Variants in SERPINE2 observed in about 807,000 individuals in gnomAD.
SERPINE2 encodes the protein glia-derived nexin.
In SERPINE2, 14 loss-of-function variants were observed where a neutral mutation model predicts 36.3. That is an observed-to-expected ratio of 0.39 (90% CI 0.25 to 0.60). SERPINE2 has a LOEUF of 0.60. SERPINE2 is among the 20% of genes least tolerant of loss of function. SERPINE2 has a pLI of 0.57. For missense variants in SERPINE2, 418 were observed against 499.6 expected (o/e 0.84, Z 1.56); for synonymous variants, 192 against 191.8 (o/e 1.00, Z -0.01).
intron 3 of SERPINE2, among the ~76,000 whole-genome samples, chr2:223,996,448 C>A (rs905663346): frequency 2.0e-5 from 3 of 152,182 alleles, no homozygotes; most frequent in Non-Finnish European, 4.4e-5. Context: ...AGGGACGCCA[C>A]GAATTTACCC....
intron 1 of SERPINE2, among the ~76,000 whole-genome samples, chr2:224,009,484 C>T (rs2106177137): frequency 6.6e-6 from 1 of 152,250 alleles, no homozygotes; most frequent in South Asian, 2.1e-4. Flanking sequence ...TGCTTGAGGC[C>T]AGGAGTTCGA....
intron 1 of SERPINE2, among the ~76,000 whole-genome samples, chr2:224,026,125 G>A (rs997513223): frequency 4.6e-5 from 7 of 152,298 alleles, no homozygotes; most frequent in African/African-American, 1.7e-4. Flanking sequence ...GTTCAATGCT[G>A]ACAAGTACGT....
chr2:224,036,517 T>C (rs1167808729), intron 1 of SERPINE2, among the ~76,000 whole-genome samples: 2 of 151,344 alleles, frequency 1.3e-5, no homozygotes, highest in Non-Finnish European at 2.9e-5. Context: ...GGGATAGCAT[T>C]AGGAGAAATA....
chr2:224,038,983 C>G (rs946602311), intron 1 of SERPINE2, 116 bp downstream of exon 1: 2 of 153,238 alleles, frequency 1.3e-5, no homozygotes, highest in African/African-American at 4.8e-5. Context: ...CCCGCAGCTT[C>G]CCGGCCGGGC....
At chr2:223,984,987 T>C in intron 4 of SERPINE2, 37 bp from the exon 5 acceptor site, 1 of 1,596,640 alleles carries the variant, frequency 6.3e-7, no homozygotes, top group East Asian at 2.2e-5. Context: ...GTATCCTTGT[T>C]GACTTCTAGA....
At chr2:223,991,716 G>T in intron 4 of SERPINE2, 87 bp downstream of exon 4, 2 of 1,354,142 alleles carry the variant, frequency 1.5e-6, no homozygotes, top group Non-Finnish European at 2.1e-6. Flanking sequence ...TGAAAAGTTA[G>T]ATTTGCTCTG....
At chr2:223,988,191 A>G (rs1190193165) in intron 4 of SERPINE2, among the ~76,000 whole-genome samples, 2 of 152,114 alleles carry the variant, frequency 1.3e-5, no homozygotes. Context: ...ATTTACTGAG[A>G]CAGGGTCTTG....
At chr2:223,988,271 T>C (rs533013019) in intron 4 of SERPINE2, among the ~76,000 whole-genome samples, 2 of 152,290 alleles carry the variant, frequency 1.3e-5, no homozygotes, top group South Asian at 4.1e-4. Flanking sequence ...TGGGCTCAAG[T>C]GAACCCCCGA....
At chr2:224,031,294 T>C (rs1327331804) in intron 1 of SERPINE2, 1 of 985,366 alleles carries the variant, frequency 1.0e-6, no homozygotes, top group African/African-American at 1.7e-5. Context: ...GGACCCTTTA[T>C]CTCTGCCACA....
chr2:224,030,014 T>C (rs1285801478), intron 1 of SERPINE2: 2 of 979,158 alleles, frequency 2.0e-6, no homozygotes, highest in African/African-American at 1.8e-5. Flanking sequence ...TGCATAGACA[T>C]TTATTCGTTA....
intron 1 of SERPINE2, among the ~76,000 whole-genome samples, chr2:224,022,617 A>G (rs1440005330): frequency 1.3e-5 from 2 of 152,198 alleles, no homozygotes; most frequent in Non-Finnish European, 2.9e-5. Flanking sequence ...AGTATGTGAA[A>G]CTTGGCTGAA....
chr2:223,980,281 G>A, intron 7 of SERPINE2, 30 bp downstream of exon 7: 1 of 1,572,160 alleles, frequency 6.4e-7, no homozygotes, highest in Non-Finnish European at 8.8e-7. Flanking sequence ...CCCTGCTAGA[G>A]GAAGCCCTGC....
chr2:224,039,162 C>A lies in SERPINE2; in HGVS notation c.-86G>T, dbSNP rs1473455300. On this transcript the variant is annotated 5_prime_UTR_variant, in exon 1 of 9. Coordinates refer to ENST00000409304, the MANE Select transcript of SERPINE2 (RefSeq NM_001136528.2). The surrounding 1 kb of genome is among the most constrained non-coding windows in gnomAD (Gnocchi z 5.2). ...GGTGCGGCCGCAACCGGAGCGGGAG[C>A]CTGGTCTCGGCGGCGCGGGGAGTCG... The A allele has an allele frequency of 6.6e-6, 1 of 150,996 alleles. No homozygotes were observed. Among genetic ancestry groups the A allele is most frequent in the Non-Finnish European group, 1.5e-5 (1 of 67,690 alleles). The allele number at this position is 150,996 out of a possible 1,614,324, so 9.4% of individuals were successfully genotyped here.
chr2:224,027,619 A>G (rs981162772), intron 1 of SERPINE2, among the ~76,000 whole-genome samples: 2 of 152,056 alleles, frequency 1.3e-5, no homozygotes, highest in African/African-American at 4.8e-5. Context: ...CATGATAATA[A>G]AAAAAACTGA....
chr2:224,017,320 C>CA (rs1053180932), intron 1 of SERPINE2, among the ~76,000 whole-genome samples: 5 of 151,362 alleles, frequency 3.3e-5, no homozygotes, highest in African/African-American at 1.2e-4. Context: ...AAAATAACAA[C>CA]AAAAAAACCC....
At position 223,975,682 on chromosome 2, in the gene SERPINE2, T is replaced by A; in HGVS notation, c.*185A>T. The A allele has an allele frequency of 2.0e-6, 1 of 499,884 alleles. No homozygotes were observed. The highest frequency in any genetic ancestry group is 2.8e-5 in the East Asian group (1 of 35,190). The allele number at this position is 499,884 out of a possible 1,614,324, so 31.0% of individuals were successfully genotyped here. On this transcript the variant is annotated 3_prime_UTR_variant, in exon 9 of 9. Coordinates refer to ENST00000409304, the MANE Select transcript of SERPINE2 (RefSeq NM_001136528.2). ...CCTCAGTACAGTGTTCCAGCCATCC[T>A]GCTTGTTTTTTCCCTCCAATACCTC...
At position 223,988,325 on chromosome 2, in the gene SERPINE2, T is replaced by C. The variant is rs561231405; in HGVS notation, c.686-3375A>G. Among the ~76,000 whole-genome samples, 132 of 152,260 alleles carry C rather than the reference T, an allele frequency of 8.7e-4. No individual in the cohort carries two copies. The Middle Eastern group carries it at 0.01, about 12-fold the overall frequency. ...CTGGGACCACAGGTGAGCACCACCA[T>C]GCCTGGCTAATTTTTAAACATTTTT... On this transcript the variant is annotated intron_variant, in intron 4 of 8. Coordinates refer to ENST00000409304, the MANE Select transcript of SERPINE2 (RefSeq NM_001136528.2).
intron 1 of SERPINE2, among the ~76,000 whole-genome samples, chr2:224,027,527 T>G (rs1692225481): frequency 6.6e-6 from 1 of 152,170 alleles, no homozygotes. Context: ...TTTTGGCAAC[T>G]GATTATTGAT....
At chr2:224,036,383 A>G (rs13405721) in intron 1 of SERPINE2, among the ~76,000 whole-genome samples, 90,889 of 148,824 alleles carry the variant, frequency 0.61, 28,388 homozygotes, top group South Asian at 0.71. Flanking sequence ...AACCTCATCA[A>G]ATGCCACGGA....
Sources: allele counts gnomAD v4.1 joint callset (sites outside exome capture counted in the v4.1 genomes callset), GRCh38; gene constraint gnomAD v4.1.1; non-coding constraint Gnocchi (gnomAD v3.1); transcripts MANE v1.5; gene names NCBI Gene and HGNC (gene_info 2026-07-23, HGNC 2026-07-21).